JAK1: variants seen among roughly 807,000 people sequenced by gnomAD.
JAK1 encodes the protein tyrosine-protein kinase JAK1.
In JAK1, 16 loss-of-function variants were observed where a neutral mutation model predicts 136.6. The ratio of observed to expected loss-of-function variants is 0.12; its 90% confidence interval spans 0.08 to 0.18. The LOEUF (loss-of-function observed/expected upper bound fraction) is 0.18. JAK1 is among the 10% of genes least tolerant of loss of function. The pLI, the probability that JAK1 is intolerant of heterozygous loss-of-function variation, is 1.00. For missense variants in JAK1, 859 were observed against 1,450.1 expected, an observed-to-expected ratio of 0.59 and a Z score of 6.62; for synonymous variants, 492 against 519.5, an observed-to-expected ratio of 0.95 and a Z score of 0.72.
intron 1 of JAK1, among the ~76,000 whole-genome samples, chr1:64,926,828 T>C (rs1303798018): frequency 6.6e-6 from 1 of 152,176 alleles, no homozygotes. Context: ...ATTTATCCCA[T>C]CTGTGCCTCA....
chr1:64,840,105 G>C (rs114082970), intron 19 of JAK1, among the ~76,000 whole-genome samples: 6 of 152,194 alleles, frequency 3.9e-5, no homozygotes, highest in African/African-American at 1.4e-4. Flanking sequence ...GACAACTGCC[G>C]TTCTCTAAAA....
At chr1:64,970,474 G>A (rs974689317), upstream of JAK1, among the ~76,000 whole-genome samples, 9 of 151,746 alleles carry the variant, frequency 5.9e-5, no homozygotes, top group African/African-American at 9.7e-5. Flanking sequence ...AGGGCCGGGT[G>A]CAGTGGTTCA....
intron 1 of JAK1, among the ~76,000 whole-genome samples, chr1:64,939,840 G>A (rs78265904): frequency 0.02 from 3,106 of 152,274 alleles, 118 homozygotes; most frequent in African/African-American, 0.072. Context: ...TACTTAGACT[G>A]TGTATCCCCC....
chr1:65,026,775 G>A (rs1646981024), intron 2 of JAK1, among the ~76,000 whole-genome samples: 1 of 151,972 alleles, frequency 6.6e-6, no homozygotes, highest in Non-Finnish European at 1.5e-5. Flanking sequence ...AGACCAACCT[G>A]GCCAACATGG....
intron 1 of JAK1, among the ~76,000 whole-genome samples, chr1:64,889,447 C>G (rs1480769876): frequency 2.0e-5 from 3 of 152,036 alleles, no homozygotes; most frequent in East Asian, 3.9e-4. Flanking sequence ...AAGAAAATAC[C>G]TTTCTTTTGG....
At chr1:64,855,993 A>G (rs1376922892) in intron 10 of JAK1, among the ~76,000 whole-genome samples, 1 of 152,264 alleles carries the variant, frequency 6.6e-6, no homozygotes, top group Non-Finnish European at 1.5e-5. Context: ...CCTGTAAGAT[A>G]AAGTTCATGA....
chr1:65,007,153 T>C (rs938025784), intron 2 of JAK1, among the ~76,000 whole-genome samples: 2 of 152,152 alleles, frequency 1.3e-5, no homozygotes, highest in African/African-American at 4.8e-5. Context: ...CTCACTTTTA[T>C]GAATGTAAAT....
At chr1:64,949,019 G>C (rs554920888) in intron 1 of JAK1, among the ~76,000 whole-genome samples, 1 of 152,214 alleles carries the variant, frequency 6.6e-6, no homozygotes, top group Non-Finnish European at 1.5e-5. Flanking sequence ...AAGGGCTGGA[G>C]TGCTGACTGC....
At chr1:64,938,696 C>T (rs1645834313) in intron 1 of JAK1, among the ~76,000 whole-genome samples, 1 of 152,200 alleles carries the variant, frequency 6.6e-6, no homozygotes, top group Non-Finnish European at 1.5e-5. Flanking sequence ...AACACCAAAC[C>T]ATACACTTTC....
At chr1:64,980,911 T>A (rs1485441718) in intron 2 of JAK1, among the ~76,000 whole-genome samples, 1 of 152,194 alleles carries the variant, frequency 6.6e-6, no homozygotes, top group Non-Finnish European at 1.5e-5. Context: ...AACTCATCAT[T>A]TTTTATGGCT....
At chr1:64,874,063 C>T (rs1046329951) in intron 4 of JAK1, among the ~76,000 whole-genome samples, 55 of 152,188 alleles carry the variant, frequency 3.6e-4, no homozygotes, top group Admixed American at 3.5e-3. Context: ...CCAAACACCA[C>T]TACAGGCATC....
intron 2 of JAK1, among the ~76,000 whole-genome samples, chr1:65,001,223 C>T (rs1230903864): frequency 6.6e-6 from 1 of 152,192 alleles, no homozygotes; most frequent in Admixed American, 6.5e-5. Context: ...AATCCTAAAG[C>T]CTGTTTCCTT....
At chr1:64,956,300 G>A (rs61786113) in intron 1 of JAK1, among the ~76,000 whole-genome samples, 9,476 of 152,254 alleles carry the variant, frequency 0.062, 445 homozygotes, top group South Asian at 0.1. Flanking sequence ...AAAGAAAGAC[G>A]GTATCAATCT....
intron 2 of JAK1, among the ~76,000 whole-genome samples, chr1:65,037,778 C>T (rs1205134556): frequency 1.3e-5 from 2 of 152,226 alleles, no homozygotes; most frequent in Non-Finnish European, 2.9e-5. Context: ...GCAAGAGGAT[C>T]GCTCCTCTTG....
chr1:64,846,731 G>A lies in JAK1; in HGVS notation c.1905C>T (p.Phe635=), dbSNP rs771177797. The A allele has an allele frequency of 3.1e-6, 5 of 1,613,584 alleles. No individual in the cohort carries two copies. The East Asian group carries it at 8.9e-5, about 29-fold the overall frequency. The part of the protein sequence containing the change: ...DPSHRDISLA[F]FEAASMMRQV... ...GTCTCATCATGCTGGCTGCCTCGAA[G>A]AAGGCCTGTGGGCGAGCAGGACATA... The change falls in exon 14 of 25, where the codon TTC becomes TTT. Residue 635 remains phenylalanine (F), a synonymous_variant. Coordinates refer to ENST00000342505, the MANE Select transcript of JAK1 (RefSeq NM_002227.4).
intron 1 of JAK1, among the ~76,000 whole-genome samples, chr1:64,913,165 G>C (rs547158061): frequency 1.3e-5 from 2 of 152,112 alleles, no homozygotes; most frequent in Non-Finnish European, 2.9e-5. Context: ...GAGACTACAG[G>C]CGTGCACACC....
chr1:64,880,653 T>G (rs1644756891), intron 3 of JAK1, among the ~76,000 whole-genome samples: 1 of 152,210 alleles, frequency 6.6e-6, no homozygotes, highest in Admixed American at 6.5e-5. Context: ...GTGTCAGGCA[T>G]CAGGCAAACA....
chr1:64,988,964 ATG>A (rs983525912), intron 2 of JAK1, among the ~76,000 whole-genome samples: 3 of 139,502 alleles, frequency 2.2e-5, no homozygotes, highest in African/African-American at 5.4e-5. Flanking sequence ...ATATGTATGT[ATG>A]TATATATATA....
chr1:65,049,821 C>A (rs1184335546), intron 1 of JAK1, among the ~76,000 whole-genome samples: 1 of 152,148 alleles, frequency 6.6e-6, no homozygotes, highest in East Asian at 1.9e-4. Context: ...GCATTGCAAG[C>A]CCTGGGCATA....
Sources: gnomAD v4.1 joint callset for allele counts (sites outside exome capture counted in the v4.1 genomes callset) on GRCh38, gnomAD v4.1.1 for gene constraint, MANE v1.5 for transcripts, NCBI Gene and HGNC (gene_info 2026-07-23, HGNC 2026-07-21) for gene names.